Variants in UNC5D observed in about 807,000 individuals in gnomAD.
The protein encoded by UNC5D is netrin receptor UNC5D.
Under a neutral mutation model 105.4 loss-of-function variants are expected in UNC5D, and 39 were observed. The observed-to-expected ratio is 0.37, with a 90% CI of 0.29 to 0.48. The LOEUF (loss-of-function observed/expected upper bound fraction) is 0.48, where lower values mean the gene tolerates loss of function less well. Ranked by LOEUF, UNC5D falls within the 20% of genes least tolerant of loss-of-function variation. The pLI is 0.98. For synonymous variants in UNC5D, 452 were observed against 450.4 expected, an observed-to-expected ratio of 1.00 and a Z score of -0.04; for missense variants, 991 against 1,202.4, an observed-to-expected ratio of 0.82 and a Z score of 2.60.
At chr8:35,687,269 C>A (rs1826072158) in intron 7 of UNC5D, among the ~76,000 whole-genome samples, 1 of 152,016 alleles carries the variant, frequency 6.6e-6, no homozygotes, top group South Asian at 2.1e-4. Context: ...AGGTGAAACC[C>A]TGTCTCTACG....
chr8:35,683,808 T>C, intron 5 of UNC5D, 81 bp downstream of exon 5: 1 of 1,316,836 alleles, frequency 7.6e-7, no homozygotes, highest in East Asian at 3.0e-5. Context: ...AAACTTTCAA[T>C]GTCGAGAGCT....
intron 16 of UNC5D, among the ~76,000 whole-genome samples, 187 bp downstream of exon 16, chr8:35,774,664 G>C (rs966904024): frequency 2.6e-5 from 4 of 152,118 alleles, no homozygotes; most frequent in African/African-American, 9.7e-5. Context: ...AAGCGTGGTG[G>C]CTCACGCCTG....
At chr8:35,573,790 T>C (rs747782081) in intron 3 of UNC5D, among the ~76,000 whole-genome samples, 3 of 152,210 alleles carry the variant, frequency 2.0e-5, no homozygotes, top group African/African-American at 7.2e-5. Context: ...AAAGTGCCTG[T>C]TATCTTAAAC....
intron 1 of UNC5D, among the ~76,000 whole-genome samples, chr8:35,466,557 C>T (rs924801830): frequency 5.3e-5 from 8 of 152,060 alleles, no homozygotes; most frequent in African/African-American, 1.9e-4. Flanking sequence ...GTCCTAAATG[C>T]CCACAAGATG....
At chr8:35,315,768 T>G (rs1296744619) in intron 1 of UNC5D, among the ~76,000 whole-genome samples, 1 of 152,228 alleles carries the variant, frequency 6.6e-6, no homozygotes, top group Non-Finnish European at 1.5e-5. Context: ...TTTGTGAACT[T>G]GTTCAAAGTC....
At chr8:35,314,977 A>T (rs1809180378) in intron 1 of UNC5D, among the ~76,000 whole-genome samples, 1 of 152,176 alleles carries the variant, frequency 6.6e-6, no homozygotes, top group Admixed American at 6.5e-5. Context: ...GGAGTTTATC[A>T]GGTCGGTGAG....
intron 1 of UNC5D, among the ~76,000 whole-genome samples, chr8:35,496,979 C>A (rs1811643093): frequency 6.6e-6 from 1 of 151,912 alleles, no homozygotes; most frequent in Non-Finnish European, 1.5e-5. Context: ...GACTGAGGCC[C>A]CTATAACAAA....
intron 1 of UNC5D, among the ~76,000 whole-genome samples, chr8:35,496,223 G>A (rs1488930794): frequency 1.3e-5 from 2 of 152,194 alleles, no homozygotes; most frequent in Non-Finnish European, 2.9e-5. Context: ...ACAGAGATAG[G>A]TAAGTATCTG....
At chr8:35,644,397 G>T (rs1456055591) in intron 4 of UNC5D, among the ~76,000 whole-genome samples, 4 of 152,102 alleles carry the variant, frequency 2.6e-5, no homozygotes, top group African/African-American at 9.7e-5. Flanking sequence ...CAAGATGTTT[G>T]CCTTTGCTGT....
intron 3 of UNC5D, among the ~76,000 whole-genome samples, chr8:35,591,527 T>TATG (rs533383769): frequency 6.6e-6 from 1 of 152,158 alleles, no homozygotes; most frequent in South Asian, 2.1e-4. Flanking sequence ...AGAGAACTAT[T>TATG]ATTATTATTA....
At chr8:35,568,403 G>A (rs189409279) in intron 3 of UNC5D, among the ~76,000 whole-genome samples, 162 bp downstream of exon 3, 11 of 152,136 alleles carry the variant, frequency 7.2e-5, no homozygotes, top group African/African-American at 2.7e-4. Flanking sequence ...ATAATTTCTG[G>A]CCAGGCGTGG....
At chr8:35,397,082 T>G (rs907094051) in intron 1 of UNC5D, among the ~76,000 whole-genome samples, 2 of 151,664 alleles carry the variant, frequency 1.3e-5, no homozygotes, top group Non-Finnish European at 2.9e-5. Flanking sequence ...AATTTTTGTA[T>G]TTTTAGTAAA....
intron 7 of UNC5D, among the ~76,000 whole-genome samples, chr8:35,698,549 A>T (rs573263386): frequency 2.0e-5 from 3 of 152,252 alleles, no homozygotes; most frequent in African/African-American, 7.2e-5. Flanking sequence ...TTTACTTAGT[A>T]TATTCTGCAA....
intron 1 of UNC5D, among the ~76,000 whole-genome samples, chr8:35,356,482 C>G (rs1801559407): frequency 6.6e-6 from 1 of 152,142 alleles, no homozygotes; most frequent in Non-Finnish European, 1.5e-5. Context: ...TCTGTCTTAA[C>G]TGAGCACTTA....
rs115136909 is a variant in UNC5D at position 35,471,719 on chromosome 8, A to G, written c.104-77573A>G. On this transcript the variant is annotated intron_variant, in intron 1 of 16. Transcript: ENST00000404895. Reference sequence around the variant, plus strand: ...TCTAGCAAAGCTATTGTGATGCAGTAGACCACAACCATTTCTTTGTTTCCT... The same window carrying G: ...TCTAGCAAAGCTATTGTGATGCAGTGGACCACAACCATTTCTTTGTTTCCT... 4.1e-3 allele frequency among the ~76,000 whole-genome samples: 628 copies of G among 152,316 alleles called. 8 individuals are homozygous for G. Among genetic ancestry groups the G allele is most frequent in the African/African-American group, 0.014 (592 of 41,580 alleles).
chr8:35,737,928 A>G (rs1829558919), intron 11 of UNC5D, among the ~76,000 whole-genome samples: 1 of 152,048 alleles, frequency 6.6e-6, no homozygotes. Context: ...CCAACATGGA[A>G]AAACCCAGTC....
chr8:35,318,089 C>T (rs373162570), intron 1 of UNC5D, among the ~76,000 whole-genome samples: 38 of 152,230 alleles, frequency 2.5e-4, no homozygotes, highest in African/African-American at 8.4e-4. Flanking sequence ...TACTATTTAA[C>T]TCTCAGGAGG....
At chr8:35,683,857 C>A in intron 5 of UNC5D, 130 bp downstream of exon 5, 1 of 862,886 alleles carries the variant, frequency 1.2e-6, no homozygotes, top group Non-Finnish European at 1.6e-6. Context: ...GTGCTCTATC[C>A]TGCCTCCCTC....
chr8:35,635,457 G>T (rs1430563476), intron 4 of UNC5D, among the ~76,000 whole-genome samples: 1 of 152,148 alleles, frequency 6.6e-6, no homozygotes, highest in East Asian at 1.9e-4. Context: ...CAGGAAACCA[G>T]CTCTGGCTTT....
Sources: allele counts gnomAD v4.1 joint callset (sites outside exome capture counted in the v4.1 genomes callset), GRCh38; gene constraint gnomAD v4.1.1; transcripts MANE v1.5; gene names NCBI Gene and HGNC (gene_info 2026-07-23, HGNC 2026-07-21).